Variants in UBE3D observed in about 807,000 individuals in gnomAD.
UBE3D encodes the protein ubiquitin protein ligase E3D.
In UBE3D, 48 loss-of-function variants were observed where a neutral mutation model predicts 49.6. That is an observed-to-expected ratio of 0.97 (90% confidence interval 0.77 to 1.23). The LOEUF (loss-of-function observed/expected upper bound fraction) is 1.23. UBE3D is among the 50% of genes most tolerant of loss of function. The pLI, the probability that UBE3D is intolerant of heterozygous loss-of-function variation, is 0.00. For missense variants in UBE3D, 452 were observed against 468.4 expected (o/e 0.96, Z 0.32); for synonymous variants, 189 against 174.2 (o/e 1.08, Z -0.67).
At chr6:82,922,030 A>C (rs1291029413) in intron 9 of UBE3D, among the ~76,000 whole-genome samples, 2 of 152,252 alleles carry the variant, frequency 1.3e-5, no homozygotes, top group Non-Finnish European at 2.9e-5. Context: ...ACTTGCTACC[A>C]GAAATTTAAT....
At chr6:82,972,643 A>C (rs1289712428) in intron 8 of UBE3D, among the ~76,000 whole-genome samples, 1 of 152,238 alleles carries the variant, frequency 6.6e-6, no homozygotes, top group Non-Finnish European at 1.5e-5. Flanking sequence ...CAGATACTTA[A>C]AAATGGTACA....
At chr6:82,977,328 T>G (rs1777802736) in intron 8 of UBE3D, among the ~76,000 whole-genome samples, 2 of 152,064 alleles carry the variant, frequency 1.3e-5, no homozygotes, top group African/African-American at 4.8e-5. Context: ...TAATCAACAA[T>G]TATATTACCA....
At chr6:82,966,268 G>A (rs1776913335) in intron 8 of UBE3D, among the ~76,000 whole-genome samples, 1 of 152,162 alleles carries the variant, frequency 6.6e-6, no homozygotes, top group Admixed American at 6.5e-5. Flanking sequence ...AATGGGGAGT[G>A]ATTGCTAGTG....
chr6:83,007,845 T>G (rs892998193), intron 8 of UBE3D, among the ~76,000 whole-genome samples: 1 of 152,084 alleles, frequency 6.6e-6, no homozygotes, highest in African/African-American at 2.4e-5. Context: ...CCTGGGAGGC[T>G]GAGGTGGGAG....
intron 3 of UBE3D, among the ~76,000 whole-genome samples, chr6:83,053,667 G>A (rs1783622213): frequency 6.6e-6 from 1 of 152,176 alleles, no homozygotes; most frequent in Non-Finnish European, 1.5e-5. Context: ...CCTAATCATT[G>A]ACAAAAGGTT....
At chr6:83,060,154 T>G (rs1339242856) in intron 1 of UBE3D, among the ~76,000 whole-genome samples, 1 of 152,088 alleles carries the variant, frequency 6.6e-6, no homozygotes, top group Admixed American at 6.5e-5. Context: ...GGCTTCAACA[T>G]GTACATTTTG....
chr6:82,887,394 T>TGTTTTGTTTTGTTTTGTTTTG (rs764187205), downstream of UBE3D, among the ~76,000 whole-genome samples: 155 of 131,448 alleles, frequency 1.2e-3, 4 homozygotes, highest in Non-Finnish European at 1.3e-3. Flanking sequence ...TAACAGTTTT[T>TGTTTTGTTTTGTTTTGTTTTG]TTTTTTTTTT....
chr6:83,012,364 C>T (rs1232025356), intron 8 of UBE3D, among the ~76,000 whole-genome samples: 2 of 152,170 alleles, frequency 1.3e-5, no homozygotes, highest in African/African-American at 4.8e-5. Context: ...ATATCAAGGG[C>T]TCAGTGTTGG....
chr6:82,961,394 T>C (rs1042312787), intron 8 of UBE3D, among the ~76,000 whole-genome samples: 1 of 152,182 alleles, frequency 6.6e-6, no homozygotes, highest in Non-Finnish European at 1.5e-5. Flanking sequence ...GTTATATTTG[T>C]TGTCTCTAAT....
chr6:82,992,503 G>A (rs1044606665), intron 8 of UBE3D, among the ~76,000 whole-genome samples: 9 of 152,154 alleles, frequency 5.9e-5, no homozygotes, highest in African/African-American at 1.7e-4. Context: ...GATTACAGGC[G>A]TGAGCCACCA....
At chr6:82,980,873 T>C (rs1244521530) in intron 8 of UBE3D, among the ~76,000 whole-genome samples, 2 of 152,236 alleles carry the variant, frequency 1.3e-5, no homozygotes, top group Admixed American at 6.5e-5. Flanking sequence ...ACTATAATTA[T>C]GTGACTTTTT....
intron 8 of UBE3D, among the ~76,000 whole-genome samples, chr6:82,999,977 T>C (rs1045365092): frequency 1.3e-5 from 2 of 152,344 alleles, no homozygotes; most frequent in Middle Eastern, 3.4e-3. Context: ...CAGCAGCGTT[T>C]GACTACTTTC....
chr6:83,052,197 G>A (rs1783515796), intron 3 of UBE3D, among the ~76,000 whole-genome samples: 1 of 152,162 alleles, frequency 6.6e-6, no homozygotes, highest in South Asian at 2.1e-4. Context: ...GCACAGAATG[G>A]TTAAGTAACT....
chr6:82,953,961 T>C (rs964939078), intron 9 of UBE3D, among the ~76,000 whole-genome samples: 12 of 151,978 alleles, frequency 7.9e-5, no homozygotes, highest in African/African-American at 2.9e-4. Flanking sequence ...ATTCTCCCAG[T>C]AGCAGGGAAA....
At chr6:83,045,452 T>G (rs1029998909) in intron 3 of UBE3D, among the ~76,000 whole-genome samples, 1 of 152,214 alleles carries the variant, frequency 6.6e-6, no homozygotes, top group African/African-American at 2.4e-5. Flanking sequence ...GATTAGTGAC[T>G]ATTTTCCAGG....
chr6:82,886,633 T>A, the UBE3D span, among the ~76,000 whole-genome samples: 1 of 152,258 alleles, frequency 6.6e-6, no homozygotes, highest in African/African-American at 2.4e-5. Flanking sequence ...ATTGGAAAGA[T>A]ACGTAGGAAA....
chr6:83,045,768 T>C (rs1318503365), intron 3 of UBE3D, among the ~76,000 whole-genome samples: 17 of 152,204 alleles, frequency 1.1e-4, no homozygotes. Context: ...CATGGTAGAT[T>C]TGTCAAAACT....
chr6:82,936,757 C>G (rs963671563), intron 9 of UBE3D, among the ~76,000 whole-genome samples: 2 of 152,342 alleles, frequency 1.3e-5, no homozygotes, highest in South Asian at 4.1e-4. Flanking sequence ...GTGACCATCA[C>G]TTCCAACCTC....
At chr6:82,931,498 C>A (rs567874535) in intron 9 of UBE3D, among the ~76,000 whole-genome samples, 2 of 152,318 alleles carry the variant, frequency 1.3e-5, no homozygotes, top group African/African-American at 4.8e-5. Context: ...CTGTACCCTG[C>A]AAAGCCACAG....
Sources: gnomAD v4.1 joint callset for allele counts (sites outside exome capture counted in the v4.1 genomes callset) on GRCh38, gnomAD v4.1.1 for gene constraint, MANE v1.5 for transcripts, NCBI Gene and HGNC (gene_info 2026-07-23, HGNC 2026-07-21) for gene names.